NUBPL: variants seen among roughly 807,000 people sequenced by gnomAD.
NUBPL encodes iron-sulfur cluster transfer protein NUBPL.
NUBPL carries 31 observed loss-of-function variants against 45.7 expected under a neutral mutation model. That is an observed-to-expected ratio of 0.68 (90% CI 0.51 to 0.92). The LOEUF (loss-of-function observed/expected upper bound fraction) is 0.92. Ranked by LOEUF, NUBPL falls within the 40% of genes least tolerant of loss-of-function variation. The probability of loss-of-function intolerance (pLI) is 0.00; values close to 1 mark genes in which losing one functional copy is unlikely to be tolerated. For missense variants in NUBPL, 401 were observed against 398.7 expected, an observed-to-expected ratio of 1.01 and a Z score of -0.05; for synonymous variants, 144 against 140.9, an observed-to-expected ratio of 1.02 and a Z score of -0.15.
chr14:31,818,509 A>G (rs1410413824), intron 7 of NUBPL, among the ~76,000 whole-genome samples: 2 of 152,084 alleles, frequency 1.3e-5, no homozygotes, highest in African/African-American at 4.8e-5. Context: ...GTTTCCACTT[A>G]TTATTGTGTT....
intron 4 of NUBPL, among the ~76,000 whole-genome samples, chr14:31,630,531 A>G (rs886883248): frequency 1.3e-4 from 20 of 152,144 alleles, no homozygotes; most frequent in Non-Finnish European, 2.6e-4. Context: ...CACTCTGCCT[A>G]GTTCTAGAAG....
chr14:31,785,654 GTC>G (rs1158233184), intron 6 of NUBPL, among the ~76,000 whole-genome samples: 1 of 152,102 alleles, frequency 6.6e-6, no homozygotes, highest in Non-Finnish European at 1.5e-5. Context: ...TTGTTTGTCT[GTC>G]TATCTGTCTA....
chr14:31,799,132 CT>C (rs2039531104), intron 7 of NUBPL, among the ~76,000 whole-genome samples: 1 of 152,100 alleles, frequency 6.6e-6, no homozygotes, highest in South Asian at 2.1e-4. Flanking sequence ...AAGAGACAAT[CT>C]TTTGGAAAAT....
intron 4 of NUBPL, among the ~76,000 whole-genome samples, chr14:31,647,545 T>C (rs2035889384): frequency 6.6e-6 from 1 of 152,174 alleles, no homozygotes; most frequent in South Asian, 2.1e-4. Flanking sequence ...GGCTAGGGGT[T>C]TGTGCACAGG....
At chr14:31,655,707 A>G (rs1320087984) in intron 4 of NUBPL, among the ~76,000 whole-genome samples, 1 of 152,150 alleles carries the variant, frequency 6.6e-6, no homozygotes, top group Non-Finnish European at 1.5e-5. Flanking sequence ...AAAGGTTTCA[A>G]CAGTGGGCTT....
intron 4 of NUBPL, among the ~76,000 whole-genome samples, chr14:31,651,076 C>T (rs2035990922): frequency 1.3e-5 from 2 of 152,230 alleles, no homozygotes; most frequent in Admixed American, 1.3e-4. Context: ...CACATTTCAA[C>T]ATGAGATTTG....
In NUBPL at chr14:31,758,761, C is replaced by G. The variant is rs536186948; in HGVS notation, c.514-29019C>G. Among the ~76,000 whole-genome samples the G allele has an allele frequency of 9.9e-5, 15 of 152,256 alleles. No individual in the cohort carries two copies. The South Asian group carries it at 3.1e-3, about 32-fold the overall frequency. On this transcript the variant is annotated intron_variant, in intron 6 of 10. Coordinates refer to ENST00000281081, the MANE Select transcript of NUBPL (RefSeq NM_025152.3). ...AAAAATACATGAAATACTATTTTGT[C>G]ATTCAAAATAACTACTGAGGGAAGT...
At chr14:31,742,155 C>T (rs1566535474) in intron 6 of NUBPL, among the ~76,000 whole-genome samples, 2 of 151,642 alleles carry the variant, frequency 1.3e-5, no homozygotes, top group East Asian at 1.9e-4. Flanking sequence ...TTCTCAAGCT[C>T]CAGAGATCAT....
intron 6 of NUBPL, among the ~76,000 whole-genome samples, chr14:31,718,403 A>G (rs1229739643): frequency 2.0e-5 from 3 of 152,194 alleles, no homozygotes; most frequent in African/African-American, 7.2e-5. Flanking sequence ...CTAAACATCT[A>G]AATGGAAAAA....
chr14:31,665,060 A>G (rs1481388767), intron 4 of NUBPL, among the ~76,000 whole-genome samples: 1 of 152,092 alleles, frequency 6.6e-6, no homozygotes, highest in Non-Finnish European at 1.5e-5. Context: ...CTGTGGGTTC[A>G]GTGGTGATAT....
intron 6 of NUBPL, among the ~76,000 whole-genome samples, chr14:31,696,509 C>G (rs1315324683): frequency 6.6e-6 from 1 of 152,146 alleles, no homozygotes. Flanking sequence ...GTATTAACTT[C>G]CTCATCCCTG....
intron 6 of NUBPL, among the ~76,000 whole-genome samples, chr14:31,767,389 G>A (rs2038934060): frequency 6.6e-6 from 1 of 151,932 alleles, no homozygotes; most frequent in Non-Finnish European, 1.5e-5. Context: ...ATTTTTAGTA[G>A]AGACAGGCTA....
At chr14:31,632,456 C>T (rs968471626) in intron 4 of NUBPL, among the ~76,000 whole-genome samples, 9 of 152,134 alleles carry the variant, frequency 5.9e-5, no homozygotes, top group African/African-American at 1.2e-4. Context: ...ACCCCTGGGG[C>T]GGCAGCGGGC....
At chr14:31,751,353 A>C (rs1216613687) in intron 6 of NUBPL, among the ~76,000 whole-genome samples, 1 of 152,254 alleles carries the variant, frequency 6.6e-6, no homozygotes, top group African/African-American at 2.4e-5. Context: ...TAAAATAAAA[A>C]ACAAGTTAGT....
intron 6 of NUBPL, among the ~76,000 whole-genome samples, chr14:31,771,205 A>G (rs2039003166): frequency 6.6e-6 from 1 of 152,106 alleles, no homozygotes; most frequent in Admixed American, 6.6e-5. Context: ...TACACTCTAG[A>G]TTTCCATGGT....
At chr14:31,760,144 T>TGTGTGAGAGAGAGAGAGA in intron 6 of NUBPL, among the ~76,000 whole-genome samples, 4 of 34,830 alleles carry the variant, frequency 1.1e-4, no homozygotes, top group Non-Finnish European at 2.2e-4. Flanking sequence ...TGTGTGTGTG[T>TGTGTGAGAGAGAGAGAGA]GAGAGAGAGA....
intron 8 of NUBPL, among the ~76,000 whole-genome samples, chr14:31,836,270 T>C (rs2040279966): frequency 6.6e-6 from 1 of 152,186 alleles, no homozygotes; most frequent in African/African-American, 2.4e-5. Flanking sequence ...ATGTAGTATT[T>C]GCTTTCTTTC....
intron 6 of NUBPL, among the ~76,000 whole-genome samples, chr14:31,786,967 G>T (rs1049250072): frequency 6.6e-5 from 10 of 152,224 alleles, no homozygotes; most frequent in Non-Finnish European, 1.5e-4. Flanking sequence ...AATAATAACA[G>T]ATGGTGGTGG....
In NUBPL at chr14:31,804,529, A is replaced by G. The variant is rs551496612; in HGVS notation, c.607+16656A>G. On this transcript the variant is annotated intron_variant, in intron 7 of 10. Transcript: ENST00000281081. ...TCATCTAGCCTGTATTTGAATAGGA[A>G]GTTTCTGAGATAGTTCATTCAGTTT... Among the ~76,000 whole-genome samples, 44 of 152,320 alleles carry G rather than the reference A, an allele frequency of 2.9e-4. 1 individual carries two copies. Among genetic ancestry groups the G allele is most frequent in the Middle Eastern group, 3.4e-3 (1 of 294 alleles).
Sources: allele counts gnomAD v4.1 joint callset (sites outside exome capture counted in the v4.1 genomes callset), GRCh38; gene constraint gnomAD v4.1.1; transcripts MANE v1.5; gene names NCBI Gene and HGNC (gene_info 2026-07-23, HGNC 2026-07-21).